Variants in ABCC8 observed in about 807,000 individuals in gnomAD.
ABCC8 encodes the protein ATP binding cassette subfamily C member 8, also known as ATP-binding cassette sub-family C member 8.
ABCC8 carries 137 observed loss-of-function variants against 188.0 expected under a neutral mutation model. That is an observed-to-expected ratio of 0.73 (90% CI 0.63 to 0.84). ABCC8 has a LOEUF of 0.84. ABCC8 is among the 40% of genes least tolerant of loss of function. The probability of loss-of-function intolerance (pLI) is 0.00; values close to 1 mark genes in which losing one functional copy is unlikely to be tolerated. For synonymous variants in ABCC8, 797 were observed against 846.5 expected, an observed-to-expected ratio of 0.94 and a Z score of 1.01; for missense variants, 1,750 against 2,072.7, an observed-to-expected ratio of 0.84 and a Z score of 3.02.
intron 18 of ABCC8, 196 bp from the exon 19 acceptor site, chr11:17,414,806 T>G: frequency 1.6e-6 from 1 of 614,826 alleles, no homozygotes; most frequent in Non-Finnish European, 2.0e-6. Context: ...CTCAACTGAC[T>G]GGGGCAGCAG....
At chr11:17,407,960 G>A (rs886995413) in intron 23 of ABCC8, among the ~76,000 whole-genome samples, 1 of 152,170 alleles carries the variant, frequency 6.6e-6, no homozygotes, top group African/African-American at 2.4e-5. Context: ...GGGGAGCTGA[G>A]CCAATTTGAG....
intron 29 of ABCC8, among the ~76,000 whole-genome samples, chr11:17,402,400 T>C (rs1432367984): frequency 6.6e-6 from 1 of 152,188 alleles, no homozygotes; most frequent in African/African-American, 2.4e-5. Context: ...TGTCCCAGCT[T>C]TGTCTCTTTT....
chr11:17,395,626 A>G lies in ABCC8; in HGVS notation c.4291T>C (p.Phe1431Leu). Residue 1431 changes from phenylalanine (F) to leucine (L), a missense_variant, in exon 35 of 39, where the codon TTC becomes CTC. By Grantham distance (22) the Phe-to-Leu change is conservative (BLOSUM62 0). Coordinates refer to ENST00000389817, the MANE Select transcript of ABCC8 (RefSeq NM_000352.6). Reference protein sequence around the residue: ...LSIILQDPVLFSGTIRFNLDP... With the variant: ...LSIILQDPVLLSGTIRFNLDP... ...GGGGCTCACCGGATGGTGCCGCTGA[A>G]GAGGACGGGGTCCTGCAGGATGATG... 6.4e-7 allele frequency: 1 copy of G among 1,555,444 alleles called. No individual in the cohort carries two copies. Among genetic ancestry groups the G allele is most frequent in the Admixed American group, 1.9e-5 (1 of 51,564 alleles).
chr11:17,427,958 C>G lies in ABCC8; in HGVS notation c.2041-16G>C. The G allele has an allele frequency of 6.2e-7, 1 of 1,612,286 alleles. No homozygotes were observed. The highest frequency in any genetic ancestry group is 8.5e-7 in the Non-Finnish European group (1 of 1,179,204). ...CTCCCATGATCTTCATTAGGCGTGT[C>G]CCACCGCCCAGGAGAGAACAGAAAG... On this transcript the variant is annotated splice_polypyrimidine_tract_variant and intron_variant, in intron 14 of 38. Transcript: ENST00000389817. The surrounding 1 kb of genome is among the most constrained non-coding windows in gnomAD (Gnocchi z 5.0).
Position 17,450,561 on chromosome 11 carries a change from A to AT in ABCC8, c.1177-1891dup, listed in dbSNP as rs752614872. On this transcript the variant is annotated intron_variant, in intron 7 of 38. Transcript: ENST00000389817. ...AGGCACCCGCCACCATGCCTGGCTA[A>AT]TTTTTTTTTGTATTTTTAGTAGAGA... Among the ~76,000 whole-genome samples the AT allele has an allele frequency of 2.8e-3, 388 of 137,978 alleles. 1 individual carries two copies. The highest frequency in any genetic ancestry group is 5.1e-3 in the Middle Eastern group (1 of 198). The allele number at this position is 137,978 out of a possible 152,430, so 90.5% of individuals were successfully genotyped here. A position where few individuals can be genotyped will look rare whatever the true frequency, so the allele number is the denominator to read the frequency against.
intron 3 of ABCC8, among the ~76,000 whole-genome samples, chr11:17,464,133 T>TA: frequency 6.6e-6 from 1 of 152,358 alleles, no homozygotes; most frequent in African/African-American, 2.4e-5. Flanking sequence ...TATAATGACT[T>TA]ACTTGTGGAA....
At position 17,404,304 on chromosome 11, in the gene ABCC8, G is replaced by T. The variant is rs1474451603; in HGVS notation, c.3557+208C>A. Among the ~76,000 whole-genome samples, 1 of 152,206 alleles carries T rather than the reference G, an allele frequency of 6.6e-6. No homozygotes were observed. Among genetic ancestry groups the T allele is most frequent in the Admixed American group, 6.5e-5 (1 of 15,274 alleles). On this transcript the variant is annotated intron_variant, in intron 28 of 38. Coordinates refer to ENST00000389817, the MANE Select transcript of ABCC8 (RefSeq NM_000352.6). This position sits in a 1 kb window ranked among gnomAD's most constrained non-coding sequence, Gnocchi z 4.7. ...TATCGCCCAAGGAAATAATTCAGATGTCAACCTCAGTGTGTGCGTGTGTTG... is the reference window on the plus strand; with the variant it reads ...TATCGCCCAAGGAAATAATTCAGATTTCAACCTCAGTGTGTGCGTGTGTTG...
In ABCC8 at chr11:17,461,367, C is replaced by T. The variant is rs111858608; in HGVS notation, c.822+216G>A. On this transcript the variant is annotated intron_variant, in intron 5 of 38. Transcript: ENST00000389817. Reference sequence around the variant, plus strand: ...AGGACTTTGGACTAGACGACCTAAACGGTAAGGGCCATTCCAACTGTGCCT... The same window carrying T: ...AGGACTTTGGACTAGACGACCTAAATGGTAAGGGCCATTCCAACTGTGCCT... 2,966 of 630,470 alleles carry T rather than the reference C, an allele frequency of 4.7e-3. 63 individuals carry two copies. The African/African-American group carries it at 0.048, about 10-fold the overall frequency. The allele number at this position is 630,470 out of a possible 1,614,324, so 39.1% of individuals were successfully genotyped here. A position where few individuals can be genotyped will look rare whatever the true frequency, so the allele number is the denominator to read the frequency against.
At chr11:17,468,589 T>A (rs1848297777) in intron 3 of ABCC8, among the ~76,000 whole-genome samples, 1 of 152,222 alleles carries the variant, frequency 6.6e-6, no homozygotes, top group African/African-American at 2.4e-5. Context: ...AGCCTCAGTT[T>A]TCTGATATGT....
At chr11:17,413,170 G>C (rs922450091) in intron 20 of ABCC8, among the ~76,000 whole-genome samples, 2 of 152,186 alleles carry the variant, frequency 1.3e-5, no homozygotes, top group East Asian at 3.9e-4. Context: ...AAATGAAGAA[G>C]ATCCCCAGCC....
At position 17,453,414 on chromosome 11, in the gene ABCC8, A is replaced by T; in HGVS notation, c.1012-131T>A. ...CCTCTGGGCTTGCAAAGGCTTGTGC[A>T]ATTGTTTATGAGTGAAAAATCAGAC... On this transcript the variant is annotated intron_variant, in intron 6 of 38. Transcript: ENST00000389817. 2.4e-6 allele frequency: 3 copies of T among 1,275,296 alleles called. 1 individual carries two copies. The South Asian group carries it at 3.9e-5, about 17-fold the overall frequency. The allele number at this position is 1,275,296 out of a possible 1,614,324, so 79.0% of individuals were successfully genotyped here. A position where few individuals can be genotyped will look rare whatever the true frequency, so the allele number is the denominator to read the frequency against.
intron 26 of ABCC8, among the ~76,000 whole-genome samples, chr11:17,405,995 C>T (rs1954499645): frequency 1.3e-5 from 2 of 152,294 alleles, no homozygotes; most frequent in African/African-American, 2.4e-5. Flanking sequence ...AGTAAATAAA[C>T]TTGGAGGCCA....
chr11:17,467,928 C>T (rs183836489), intron 3 of ABCC8, among the ~76,000 whole-genome samples: 1 of 152,336 alleles, frequency 6.6e-6, no homozygotes, highest in East Asian at 1.9e-4. Flanking sequence ...AAAGAGAGAA[C>T]ATTATGTGTT....
intron 6 of ABCC8, among the ~76,000 whole-genome samples, chr11:17,455,790 A>T (rs752449838): frequency 2.6e-5 from 4 of 151,930 alleles, no homozygotes; most frequent in Non-Finnish European, 5.9e-5. Flanking sequence ...ATACAAAAAA[A>T]TAGCTGGACA....
intron 20 of ABCC8, 102 bp downstream of exon 20, chr11:17,413,292 T>C (rs1294927432): frequency 1.5e-5 from 23 of 1,527,594 alleles, no homozygotes; most frequent in Non-Finnish European, 1.8e-5. Flanking sequence ...CAGCCTTCAA[T>C]GTCTCCTATT....
chr11:17,450,973 C>T (rs189455407), intron 7 of ABCC8, among the ~76,000 whole-genome samples: 4 of 152,240 alleles, frequency 2.6e-5, no homozygotes, highest in Admixed American at 1.3e-4. Context: ...AGTCATGAGC[C>T]ATTGCGCTCC....
chr11:17,435,663 C>T (rs113305902), intron 10 of ABCC8: 1 of 1,408,534 alleles, frequency 7.1e-7, no homozygotes, highest in Non-Finnish European at 1.0e-6. Flanking sequence ...TGCTGGGAAC[C>T]TCTGTTCTTC....
chr11:17,461,465 C>T, intron 5 of ABCC8, 118 bp downstream of exon 5: 1 of 1,351,398 alleles, frequency 7.4e-7, no homozygotes, highest in African/African-American at 1.4e-5. Context: ...TTCCCCTCAC[C>T]AGCCTCAGTT....
chr11:17,405,447 C>A, intron 27 of ABCC8, 47 bp downstream of exon 27: 1 of 1,613,590 alleles, frequency 6.2e-7, no homozygotes, highest in South Asian at 1.1e-5. Flanking sequence ...CCCCAGGGGT[C>A]CGAGGTGTCT....
Sources: gnomAD v4.1 joint callset for allele counts (sites outside exome capture counted in the v4.1 genomes callset) on GRCh38, gnomAD v4.1.1 for gene constraint, Gnocchi (gnomAD v3.1) non-coding constraint, MANE v1.5 for transcripts, NCBI Gene and HGNC (gene_info 2026-07-23, HGNC 2026-07-21) for gene names.